Variants in KLHL29 observed in about 807,000 individuals in gnomAD.
The protein encoded by KLHL29 is kelch like family member 29.
In KLHL29, 21 loss-of-function variants were observed where a neutral mutation model predicts 80.4. The observed-to-expected ratio is 0.26, with a 90% CI of 0.19 to 0.38. KLHL29 has a LOEUF of 0.38. Among genes scored for constraint, KLHL29 ranks in the 10% least tolerant of loss-of-function variants. KLHL29 has a pLI of 1.00. For missense variants in KLHL29, 867 were observed against 1,223.9 expected (o/e 0.71, Z 4.35); for synonymous variants, 511 against 526.8 (o/e 0.97, Z 0.41).
chr2:23,601,086 T>C (rs1668556426), intron 3 of KLHL29, among the ~76,000 whole-genome samples: 1 of 152,198 alleles, frequency 6.6e-6, no homozygotes, highest in Non-Finnish European at 1.5e-5. Flanking sequence ...TTCAAATAGT[T>C]TGGAGTTGAA....
chr2:23,462,098 G>A (rs527678085), intron 1 of KLHL29, among the ~76,000 whole-genome samples: 36 of 152,094 alleles, frequency 2.4e-4, no homozygotes, highest in Non-Finnish European at 7.4e-5. Context: ...TGCTGAGGGA[G>A]GCAGGTGACT....
At chr2:23,531,752 A>G (rs562803266) in intron 2 of KLHL29, among the ~76,000 whole-genome samples, 1 of 152,360 alleles carries the variant, frequency 6.6e-6, no homozygotes, top group East Asian at 1.9e-4. Context: ...ATCCCAAGTT[A>G]CAATAATGAT....
intron 3 of KLHL29, among the ~76,000 whole-genome samples, chr2:23,581,606 A>C (rs1347343125): frequency 2.0e-5 from 3 of 152,050 alleles, no homozygotes; most frequent in Admixed American, 6.5e-5. Context: ...TGGGCGGATC[A>C]CTTGAGGTCA....
intron 1 of KLHL29, among the ~76,000 whole-genome samples, chr2:23,445,780 T>G (rs1421749275): frequency 2.0e-5 from 3 of 152,240 alleles, no homozygotes; most frequent in Admixed American, 1.3e-4. Flanking sequence ...AACTTAAGGC[T>G]CTTTGCCAAT....
At chr2:23,593,658 G>T (rs1346864647) in intron 3 of KLHL29, among the ~76,000 whole-genome samples, 4 of 152,184 alleles carry the variant, frequency 2.6e-5, no homozygotes, top group Non-Finnish European at 5.9e-5. Flanking sequence ...GACCAGGGTG[G>T]TCCAGGGAGC....
At chr2:23,698,880 C>T (rs1055864711) in intron 11 of KLHL29, among the ~76,000 whole-genome samples, 6 of 152,152 alleles carry the variant, frequency 3.9e-5, no homozygotes, top group African/African-American at 1.2e-4. Flanking sequence ...GCATTTGGTG[C>T]GATGTGCCAT....
At chr2:23,543,321 G>C (rs1306578568) in intron 2 of KLHL29, among the ~76,000 whole-genome samples, 1 of 152,150 alleles carries the variant, frequency 6.6e-6, no homozygotes, top group Non-Finnish European at 1.5e-5. Flanking sequence ...AAAGAGGAGG[G>C]CACAGACATG....
At chr2:23,555,460 C>T (rs1310303603) in intron 2 of KLHL29, among the ~76,000 whole-genome samples, 1 of 152,218 alleles carries the variant, frequency 6.6e-6, no homozygotes, top group Non-Finnish European at 1.5e-5. Context: ...CAGGGTGGCC[C>T]ATCCCTCATT....
At chr2:23,643,057 CAA>C (rs779701790) in intron 5 of KLHL29, 21 of 715,402 alleles carry the variant, frequency 2.9e-5, no homozygotes, top group Non-Finnish European at 5.0e-5. Context: ...GCGGGACAAA[CAA>C]AGTGGGAAAA....
chr2:23,420,767 A>G (rs1012494918), intron 1 of KLHL29, among the ~76,000 whole-genome samples: 7 of 152,110 alleles, frequency 4.6e-5, no homozygotes, highest in African/African-American at 1.7e-4. Flanking sequence ...ACCCTTTTCC[A>G]GAAATGGCAC....
chr2:23,590,196 C>G (rs1032608638), intron 3 of KLHL29, among the ~76,000 whole-genome samples: 1 of 152,234 alleles, frequency 6.6e-6, no homozygotes, highest in African/African-American at 2.4e-5. Flanking sequence ...GCCCCTTGCC[C>G]GCTTTTCTTC....
intron 5 of KLHL29, among the ~76,000 whole-genome samples, chr2:23,664,779 C>A (rs1670508840): frequency 6.6e-6 from 1 of 151,916 alleles, no homozygotes; most frequent in East Asian, 1.9e-4. Flanking sequence ...ATGGGACAGA[C>A]CCCAGACTCA....
intron 2 of KLHL29, among the ~76,000 whole-genome samples, chr2:23,478,265 C>T (rs940432286): frequency 1.3e-5 from 2 of 152,134 alleles, no homozygotes; most frequent in Non-Finnish European, 2.9e-5. Context: ...TGGGAGTGTC[C>T]GCAACATGCA....
intron 1 of KLHL29, among the ~76,000 whole-genome samples, chr2:23,408,806 C>T (rs1354367321): frequency 1.3e-5 from 2 of 152,166 alleles, no homozygotes; most frequent in Non-Finnish European, 2.9e-5. Flanking sequence ...CTCGTTGTGT[C>T]TTCACATTGA....
In KLHL29 at chr2:23,570,586, C is replaced by T. The variant is rs542901724; in HGVS notation, c.285+8105C>T. On this transcript the variant is annotated intron_variant, in intron 3 of 13. Transcript: ENST00000486442. Reference sequence around the variant, plus strand: ...CCTTGGCCCCCCGACCCCAGGTTGCCAGCAGGTAGGGCTCTTGCCCGGCCC... The same window carrying T: ...CCTTGGCCCCCCGACCCCAGGTTGCTAGCAGGTAGGGCTCTTGCCCGGCCC... Among the ~76,000 whole-genome samples the T allele has an allele frequency of 5.3e-5, 8 of 152,306 alleles. No homozygotes were observed. In the South Asian group the frequency reaches 1.5e-3, roughly 28 times the overall value.
intron 3 of KLHL29, among the ~76,000 whole-genome samples, chr2:23,611,323 G>A (rs2103530105): frequency 6.6e-6 from 1 of 152,256 alleles, no homozygotes; most frequent in African/African-American, 2.4e-5. Flanking sequence ...AGGCTTGCAG[G>A]GTCAGAGGAC....
chr2:23,693,184 G>T, intron 7 of KLHL29, 85 bp from the exon 8 acceptor site: 1 of 1,449,906 alleles, frequency 6.9e-7, no homozygotes. Flanking sequence ...TGGGTTCAGA[G>T]AAGGATCTAG....
intron 3 of KLHL29, among the ~76,000 whole-genome samples, chr2:23,574,756 A>G (rs1249535078): frequency 1.3e-5 from 2 of 152,238 alleles, no homozygotes; most frequent in East Asian, 1.9e-4. Context: ...TAATGAATGA[A>G]TGAATACCCA....
intron 2 of KLHL29, among the ~76,000 whole-genome samples, chr2:23,555,219 G>A (rs1667255254): frequency 6.6e-6 from 1 of 152,084 alleles, no homozygotes; most frequent in African/African-American, 2.4e-5. Context: ...AGCTGTGCAT[G>A]TTTGCAGACA....
Sources: gnomAD v4.1 joint callset for allele counts (sites outside exome capture counted in the v4.1 genomes callset) on GRCh38, gnomAD v4.1.1 for gene constraint, MANE v1.5 for transcripts, NCBI Gene and HGNC (gene_info 2026-07-23, HGNC 2026-07-21) for gene names.